The following LRMDA variants were observed in gnomAD, a reference collection of about 807,000 sequenced individuals.
LRMDA encodes the protein leucine rich melanocyte differentiation associated.
In LRMDA, 18 loss-of-function variants were observed where a neutral mutation model predicts 29.8. That is an observed-to-expected ratio of 0.60 (90% CI 0.42 to 0.90). The LOEUF is 0.90. LRMDA is among the 40% of genes least tolerant of loss of function. LRMDA has a pLI of 0.00. For synonymous variants in LRMDA, 125 were observed against 109.4 expected, an observed-to-expected ratio of 1.14 and a Z score of -0.89; for missense variants, 273 against 273.9, an observed-to-expected ratio of 1.00 and a Z score of 0.02.
chr10:75,902,338 C>T (rs185950299), intron 2 of LRMDA, among the ~76,000 whole-genome samples: 163 of 152,214 alleles, frequency 1.1e-3, no homozygotes, highest in Admixed American at 8.5e-3. Context: ...GGGGAGTAGG[C>T]TCCAGGTTGG....
intron 2 of LRMDA, among the ~76,000 whole-genome samples, chr10:75,920,798 A>T (rs1721704216): frequency 6.6e-6 from 1 of 152,186 alleles, no homozygotes; most frequent in Non-Finnish European, 1.5e-5. Flanking sequence ...ATAAATGCTT[A>T]TGACTTGCTG....
intron 2 of LRMDA, among the ~76,000 whole-genome samples, chr10:75,726,215 A>G (rs1356327712): frequency 2.6e-5 from 4 of 152,188 alleles, no homozygotes; most frequent in Admixed American, 2.6e-4. Flanking sequence ...ATGCCATTAC[A>G]GTGGGGGAAA....
intron 2 of LRMDA, among the ~76,000 whole-genome samples, chr10:75,753,292 T>G (rs1842989441): frequency 6.6e-6 from 1 of 152,174 alleles, no homozygotes; most frequent in Admixed American, 6.5e-5. Flanking sequence ...GGACCTTACC[T>G]TTGGGAATCT....
intron 5 of LRMDA, among the ~76,000 whole-genome samples, chr10:76,214,352 TTTTA>T (rs1230116672): frequency 6.4e-4 from 88 of 138,502 alleles, no homozygotes; most frequent in Middle Eastern, 3.5e-3. Context: ...TTTTTTTTTT[TTTTA>T]TGAGACGGAG....
chr10:76,505,114 A>C (rs2132346239), intron 6 of LRMDA, among the ~76,000 whole-genome samples: 1 of 150,608 alleles, frequency 6.6e-6, no homozygotes, highest in African/African-American at 2.4e-5. Context: ...TTTTTTTTTA[A>C]GGATACTGGA....
At chr10:75,681,973 A>G (rs1842028477) in intron 2 of LRMDA, among the ~76,000 whole-genome samples, 1 of 152,204 alleles carries the variant, frequency 6.6e-6, no homozygotes, top group Non-Finnish European at 1.5e-5. Flanking sequence ...GCAGCAGCTT[A>G]TTGAAGACTC....
At chr10:76,142,405 A>T (rs1475820075) in intron 5 of LRMDA, among the ~76,000 whole-genome samples, 1 of 152,086 alleles carries the variant, frequency 6.6e-6, no homozygotes, top group Non-Finnish European at 1.5e-5. Context: ...TGTGTGTAAT[A>T]TGCCATTTCA....
At chr10:76,180,447 T>G (rs912454945) in intron 5 of LRMDA, among the ~76,000 whole-genome samples, 1 of 151,724 alleles carries the variant, frequency 6.6e-6, no homozygotes, top group African/African-American at 2.4e-5. Flanking sequence ...ACCCGGCTAA[T>G]TTTTTGTATT....
intron 2 of LRMDA, among the ~76,000 whole-genome samples, chr10:75,693,797 C>T (rs1842199491): frequency 6.6e-6 from 1 of 152,076 alleles, no homozygotes; most frequent in Admixed American, 6.5e-5. Flanking sequence ...TAGCATACTG[C>T]CTAGCTCTGG....
intron 2 of LRMDA, among the ~76,000 whole-genome samples, chr10:75,507,925 G>C (rs2132030289): frequency 6.6e-6 from 1 of 152,242 alleles, no homozygotes; most frequent in African/African-American, 2.4e-5. Flanking sequence ...TAAAAGGCAG[G>C]TACACAGCTC....
chr10:75,483,037 C>G (rs900402653), intron 2 of LRMDA, among the ~76,000 whole-genome samples: 2 of 152,098 alleles, frequency 1.3e-5, no homozygotes, highest in Non-Finnish European at 2.9e-5. Flanking sequence ...CATCACCTCC[C>G]AGGCTCAAGT....
intron 6 of LRMDA, among the ~76,000 whole-genome samples, chr10:76,345,120 G>A (rs1275038883): frequency 1.5e-5 from 2 of 132,876 alleles, no homozygotes; most frequent in African/African-American, 5.8e-5. Context: ...AGGCTGGAGT[G>A]CAGTGGCGCG....
At chr10:75,586,390 C>T (rs924656319) in intron 2 of LRMDA, among the ~76,000 whole-genome samples, 5 of 125,948 alleles carry the variant, frequency 4.0e-5, no homozygotes, top group Non-Finnish European at 6.3e-5. Context: ...CAGGATCTCA[C>T]TCTGTCACCC....
chr10:75,678,260 C>T (rs1002038385), intron 2 of LRMDA, among the ~76,000 whole-genome samples: 1 of 152,078 alleles, frequency 6.6e-6, no homozygotes, highest in Admixed American at 6.6e-5. Context: ...CTAGAACTCT[C>T]CTAGTCAAAA....
At chr10:75,896,392 A>T (rs914675022) in intron 2 of LRMDA, among the ~76,000 whole-genome samples, 2 of 152,212 alleles carry the variant, frequency 1.3e-5, no homozygotes, top group Non-Finnish European at 2.9e-5. Context: ...TAGCACACTC[A>T]GTTGTTTATT....
At chr10:76,257,354 A>G (rs555409128) in intron 5 of LRMDA, among the ~76,000 whole-genome samples, 75 of 139,092 alleles carry the variant, frequency 5.4e-4, no homozygotes, top group Non-Finnish European at 1.0e-3. Context: ...TTTTTTTGAG[A>G]CAAAGTCTCA....
intron 2 of LRMDA, among the ~76,000 whole-genome samples, chr10:75,703,997 C>T (rs183091788): frequency 3.3e-5 from 5 of 152,244 alleles, no homozygotes; most frequent in South Asian, 2.1e-4. Context: ...AATGTGCCGA[C>T]GCTTGCTATA....
chr10:76,357,306 C>T (rs879269201), intron 6 of LRMDA, among the ~76,000 whole-genome samples: 11 of 152,136 alleles, frequency 7.2e-5, no homozygotes, highest in East Asian at 1.9e-4. Context: ...ATTTGGAACT[C>T]GATCCAGATT....
chr10:75,942,863 C>T (rs75583975), intron 2 of LRMDA, among the ~76,000 whole-genome samples: 39 of 152,174 alleles, frequency 2.6e-4, no homozygotes, highest in Non-Finnish European at 3.7e-4. Flanking sequence ...GTTCTGATTG[C>T]GGTTTTCAGT....
Sources: gnomAD v4.1 joint callset for allele counts (sites outside exome capture counted in the v4.1 genomes callset) on GRCh38, gnomAD v4.1.1 for gene constraint, MANE v1.5 for transcripts, NCBI Gene and HGNC (gene_info 2026-07-23, HGNC 2026-07-21) for gene names.